The following PPP3CB variants were observed in gnomAD, a reference collection of about 807,000 sequenced individuals.
PPP3CB encodes serine/threonine-protein phosphatase 2B catalytic subunit beta isoform.
Under a neutral mutation model 66.4 loss-of-function variants are expected in PPP3CB, and 8 were observed. That is an observed-to-expected ratio of 0.12 (90% CI 0.07 to 0.22). The LOEUF is 0.22. PPP3CB is among the 10% of genes least tolerant of loss of function. The pLI is 1.00. For missense variants in PPP3CB, 319 were observed against 642.5 expected (o/e 0.50, Z 5.44); for synonymous variants, 208 against 221.2 (o/e 0.94, Z 0.53).
chr10:73,444,274 T>A (rs1216538749), intron 12 of PPP3CB: 1 of 232,640 alleles, frequency 4.3e-6, no homozygotes, highest in Non-Finnish European at 8.3e-6. Flanking sequence ...TAACTCTAAA[T>A]TAAGTAGTTT....
chr10:73,443,614 A>G (rs1239700098), intron 12 of PPP3CB, among the ~76,000 whole-genome samples: 1 of 152,194 alleles, frequency 6.6e-6, no homozygotes, highest in Non-Finnish European at 1.5e-5. Flanking sequence ...TTGCTTTCCA[A>G]CCACAGGAAA....
intron 1 of PPP3CB, among the ~76,000 whole-genome samples, chr10:73,491,022 G>GTTTTTTTTTTTTTTTTTTTTTTTT (rs528238766): frequency 1.7e-4 from 7 of 40,908 alleles, no homozygotes; most frequent in Non-Finnish European, 2.1e-4. Context: ...TGTTTTTATT[G>GTTTTTTTTTTTTTTTTTTTTTTTT]TTTTTTTTTT....
chr10:73,467,498 C>A, intron 9 of PPP3CB, 55 bp downstream of exon 9: 1 of 1,336,444 alleles, frequency 7.5e-7, no homozygotes, highest in South Asian at 1.6e-5. Context: ...TGATAGTAAA[C>A]TGGAGTAAAT....
chr10:73,460,265 C>CAAAAAAAAAAAAA (rs11447229), intron 9 of PPP3CB, among the ~76,000 whole-genome samples: 5 of 35,818 alleles, frequency 1.4e-4, no homozygotes, highest in East Asian at 9.1e-4. Context: ...AAAGTAATAG[C>CAAAAAAAAAAAAA]AAAAAAAAAA....
chr10:73,495,964 G>A lies in PPP3CB; in HGVS notation c.-75C>T, dbSNP rs893082796. ...GGGGCGGCGGCTACCAGAGCCAAGC[G>A]GCGGCGCCGCCGGGGAACATGGCGG... On this transcript the variant is annotated 5_prime_UTR_variant, in exon 1 of 14. Coordinates refer to ENST00000360663, the MANE Select transcript of PPP3CB (RefSeq NM_021132.4). 3.2e-5 allele frequency: 31 copies of A among 982,398 alleles called. No individual in the cohort carries two copies. In the Admixed American group the frequency reaches 5.2e-4, roughly 16 times the overall value. The allele number at this position is 982,398 out of a possible 1,614,324, so 60.9% of individuals were successfully genotyped here.
In PPP3CB at chr10:73,470,874, A is replaced by G; in HGVS notation, c.887+13T>C. On this transcript the variant is annotated intron_variant, in intron 7 of 13. Transcript: ENST00000360663. ...TTAGGTGTTAATTTGGGTCAGGGAA[A>G]CAGAATTCTTACCCTGCATCTTGAG... The G allele has an allele frequency of 6.2e-7, 1 of 1,609,914 alleles. No homozygotes were observed. The highest frequency in any genetic ancestry group is 8.5e-7 in the Non-Finnish European group (1 of 1,177,244).
intron 9 of PPP3CB, among the ~76,000 whole-genome samples, chr10:73,457,058 T>C (rs745535886): frequency 1.1e-3 from 165 of 152,000 alleles, no homozygotes; most frequent in African/African-American, 3.1e-3. Context: ...GCTGTTACGA[T>C]GTATACCTTA....
At chr10:73,456,062 TAATA>T (rs1392363161) in intron 9 of PPP3CB, among the ~76,000 whole-genome samples, 2 of 152,176 alleles carry the variant, frequency 1.3e-5, no homozygotes, top group Non-Finnish European at 1.5e-5. Flanking sequence ...AAATTTCAAT[TAATA>T]AATAAAAATG....
intron 1 of PPP3CB, among the ~76,000 whole-genome samples, chr10:73,490,903 G>C (rs1406780131): frequency 6.6e-6 from 1 of 151,944 alleles, no homozygotes; most frequent in Non-Finnish European, 1.5e-5. Context: ...CACAATCTCG[G>C]CTCACTGCAG....
chr10:73,438,122 G>A lies in PPP3CB; in HGVS notation c.*120C>T, dbSNP rs2056094402. 3 of 1,015,660 alleles carry A rather than the reference G, an allele frequency of 3.0e-6. No homozygotes were observed. Among genetic ancestry groups the A allele is most frequent in the Admixed American group, 2.8e-5 (1 of 35,232 alleles). 62.9% of individuals were successfully genotyped at this position (1,015,660 alleles called of 1,614,324 possible). On this transcript the variant is annotated 3_prime_UTR_variant, in exon 14 of 14. Transcript: ENST00000360663. ...CAGGAAGGGGGCTAGGGTCTCAGAA[G>A]CACAATGGTTTCTTCAGAGAGACTG...
intron 9 of PPP3CB, among the ~76,000 whole-genome samples, chr10:73,462,282 C>T (rs192445868): frequency 2.0e-5 from 3 of 151,778 alleles, no homozygotes; most frequent in Admixed American, 2.0e-4. Context: ...CCTTAGCCTC[C>T]CAAAGTGCTG....
intron 9 of PPP3CB, chr10:73,466,886 A>C (rs2056625350): frequency 6.6e-6 from 1 of 152,200 alleles, no homozygotes; most frequent in Non-Finnish European, 1.5e-5. Flanking sequence ...AAATTAACTT[A>C]AAATGGAAAA....
intron 4 of PPP3CB, 57 bp from the exon 5 acceptor site, chr10:73,471,670 TA>T (rs1024698034): frequency 8.3e-6 from 11 of 1,318,504 alleles, no homozygotes; most frequent in Non-Finnish European, 1.0e-5. Context: ...GTGACCATTT[TA>T]AAAACATATA....
chr10:73,478,361 A>G (rs2056824254), intron 3 of PPP3CB, 138 bp downstream of exon 3: 1 of 683,832 alleles, frequency 1.5e-6, no homozygotes. Flanking sequence ...AGGAATAAAT[A>G]GTAGCTTTTC....
At position 73,455,852 on chromosome 10, in the gene PPP3CB, G is replaced by A. The variant is rs367715957; in HGVS notation, c.1109-1363C>T. ...CCCAAAGTGCTGGGATTACAGGCGT[G>A]AGCCACCGCGCCCAGCCTGTCAACT... is the stretch of plus-strand genomic sequence containing the variant. On this transcript the variant is annotated intron_variant, in intron 9 of 13. Transcript: ENST00000360663. Among the ~76,000 whole-genome samples, 33 of 152,300 alleles carry A rather than the reference G, an allele frequency of 2.2e-4. No homozygotes were observed. In the East Asian group the frequency reaches 4.4e-3, roughly 20 times the overall value.
chr10:73,461,540 T>C (rs928960669), intron 9 of PPP3CB, among the ~76,000 whole-genome samples: 5 of 152,176 alleles, frequency 3.3e-5, no homozygotes, highest in African/African-American at 1.2e-4. Context: ...TTTCTCCCTT[T>C]TGGAGCAGGA....
intron 9 of PPP3CB, among the ~76,000 whole-genome samples, chr10:73,458,524 G>A (rs957559765): frequency 6.6e-6 from 1 of 152,016 alleles, no homozygotes; most frequent in African/African-American, 2.4e-5. Flanking sequence ...ATCCTCGGCT[G>A]GGTGTGGTAG....
intron 4 of PPP3CB, 109 bp downstream of exon 4, chr10:73,474,810 T>G: frequency 2.0e-5 from 29 of 1,426,068 alleles, no homozygotes; most frequent in African/African-American, 2.9e-5. Flanking sequence ...TGTGTGGACA[T>G]GAAATCTGTC....
At chr10:73,493,534 A>G (rs146612065) in intron 1 of PPP3CB, among the ~76,000 whole-genome samples, 187 of 152,362 alleles carry the variant, frequency 1.2e-3, no homozygotes, top group Non-Finnish European at 2.3e-3. Flanking sequence ...AATCCTGAAG[A>G]TGAAATTTAA....
Sources: gnomAD v4.1 joint callset for allele counts (sites outside exome capture counted in the v4.1 genomes callset) on GRCh38, gnomAD v4.1.1 for gene constraint, MANE v1.5 for transcripts, NCBI Gene and HGNC (gene_info 2026-07-23, HGNC 2026-07-21) for gene names.